The following TBL1XR1 variants were observed in gnomAD, a reference collection of about 807,000 sequenced individuals.
TBL1XR1 encodes TBL1X/Y related 1, also known as F-box-like/WD repeat-containing protein TBL1XR1.
Under a neutral mutation model 66.9 loss-of-function variants are expected in TBL1XR1, and 5 were observed. The ratio of observed to expected loss-of-function variants is 0.07; its 90% confidence interval spans 0.04 to 0.16. The LOEUF is 0.16. TBL1XR1 is among the 10% of genes least tolerant of loss of function. The probability of loss-of-function intolerance (pLI) is 1.00; values close to 1 mark genes in which losing one functional copy is unlikely to be tolerated. For synonymous variants in TBL1XR1, 210 were observed against 206.0 expected, an observed-to-expected ratio of 1.02 and a Z score of -0.17; for missense variants, 238 against 623.2, an observed-to-expected ratio of 0.38 and a Z score of 6.58.
chr3:177,066,653 GA>G (rs913945209), intron 2 of TBL1XR1, among the ~76,000 whole-genome samples: 22 of 152,198 alleles, frequency 1.4e-4, no homozygotes, highest in Non-Finnish European at 2.8e-4. Flanking sequence ...GCCAAATTAG[GA>G]AAATATTGCA....
At chr3:177,178,267 A>C (rs1734391675) in intron 1 of TBL1XR1, among the ~76,000 whole-genome samples, 1 of 152,218 alleles carries the variant, frequency 6.6e-6, no homozygotes, top group Non-Finnish European at 1.5e-5. Flanking sequence ...AGTGTGATCA[A>C]AAACCCTTAA....
rs1724665950 is a variant in TBL1XR1, at chr3:177,104,786, T to C, written c.-121-6245A>G. Among the ~76,000 whole-genome samples, 4 of 152,238 alleles carry C rather than the reference T, an allele frequency of 2.6e-5. No individual in the cohort carries two copies. In the South Asian group the frequency reaches 8.3e-4, roughly 31 times the overall value. ...AATTACTACCTTAGTTGAATTAGTT[T>C]CACTGGTAACATCACATGTCATTGA... On this transcript the variant is annotated intron_variant, in intron 1 of 15. Coordinates refer to ENST00000457928, the MANE Select transcript of TBL1XR1 (RefSeq NM_024665.7).
chr3:177,037,969 A>T, intron 12 of TBL1XR1, 129 bp downstream of exon 12: 1 of 689,220 alleles, frequency 1.5e-6, no homozygotes, highest in Non-Finnish European at 2.4e-6. Flanking sequence ...TTAGCCATTT[A>T]AAATGTTGGA....
intron 1 of TBL1XR1, among the ~76,000 whole-genome samples, chr3:177,156,490 C>T (rs868686891): frequency 5.7e-5 from 8 of 140,458 alleles, no homozygotes; most frequent in African/African-American, 2.0e-4. Flanking sequence ...GAGACTCCAT[C>T]TCAAAAAAAA....
chr3:177,110,000 C>T (rs1019585599), intron 1 of TBL1XR1, among the ~76,000 whole-genome samples: 1 of 152,126 alleles, frequency 6.6e-6, no homozygotes, highest in Non-Finnish European at 1.5e-5. Context: ...TCACAAAATA[C>T]GTCATTTATG....
intron 14 of TBL1XR1, among the ~76,000 whole-genome samples, chr3:177,029,521 T>G (rs922182817): frequency 3.3e-5 from 5 of 151,990 alleles, no homozygotes; most frequent in African/African-American, 1.2e-4. Flanking sequence ...CTTGGAAGGC[T>G]GAGGTGGGAG....
intron 1 of TBL1XR1, among the ~76,000 whole-genome samples, chr3:177,166,535 T>A (rs1043159917): frequency 1.3e-5 from 2 of 152,168 alleles, no homozygotes; most frequent in Non-Finnish European, 2.9e-5. Flanking sequence ...CTGATAATAG[T>A]GAGTTCTCTG....
intron 10 of TBL1XR1, among the ~76,000 whole-genome samples, chr3:177,042,890 G>T (rs1036457080): frequency 6.6e-6 from 1 of 151,962 alleles, no homozygotes; most frequent in African/African-American, 2.4e-5. Flanking sequence ...GAAGAAGGAT[G>T]CATTTATTAC....
chr3:177,091,366 T>C (rs537097323), intron 2 of TBL1XR1, among the ~76,000 whole-genome samples: 263 of 152,244 alleles, frequency 1.7e-3, no homozygotes, highest in Middle Eastern at 0.014. Flanking sequence ...TTTTGTTTAA[T>C]ACATTATTTT....
chr3:177,068,527 T>C (rs913444266), intron 2 of TBL1XR1, among the ~76,000 whole-genome samples: 7 of 152,328 alleles, frequency 4.6e-5, no homozygotes, highest in African/African-American at 1.4e-4. Context: ...ACAGGACTAG[T>C]GAGGCAATCC....
At chr3:177,193,804 G>A (rs34311793) in intron 1 of TBL1XR1, among the ~76,000 whole-genome samples, 72,056 of 149,844 alleles carry the variant, frequency 0.48, 18,475 homozygotes, top group Non-Finnish European at 0.57. Context: ...GGAAAATTCC[G>A]CAGATTCAGT....
rs894198328 is a variant in TBL1XR1, at chr3:177,020,608, A to G, written c.*4890T>C. The G allele has an allele frequency of 6.6e-6, 1 of 152,174 alleles. No homozygotes were observed. Among genetic ancestry groups the G allele is most frequent in the Non-Finnish European group, 1.5e-5 (1 of 68,016 alleles). 9.4% of individuals were successfully genotyped at this position (152,174 alleles called of 1,614,324 possible). A position where few individuals can be genotyped will look rare whatever the true frequency, so the allele number is the denominator to read the frequency against. On this transcript the variant is annotated 3_prime_UTR_variant, in exon 16 of 16. Coordinates refer to ENST00000457928, the MANE Select transcript of TBL1XR1 (RefSeq NM_024665.7). ...TAACTTGGAAAAAAAGGTTTATTCT[A>G]CAATAGAACACTGGAGAAGTAAAAG... is the stretch of plus-strand genomic sequence containing the variant.
At chr3:177,117,466 T>C (rs1726439775) in intron 1 of TBL1XR1, among the ~76,000 whole-genome samples, 1 of 152,196 alleles carries the variant, frequency 6.6e-6, no homozygotes, top group Non-Finnish European at 1.5e-5. Context: ...ATCTGCACAG[T>C]CTAAAATTTC....
chr3:177,141,693 G>T (rs184066624), intron 1 of TBL1XR1, among the ~76,000 whole-genome samples: 2 of 152,068 alleles, frequency 1.3e-5, no homozygotes, highest in African/African-American at 2.4e-5. Flanking sequence ...TGTATGTATC[G>T]CATATAAAAG....
At chr3:177,137,263 C>CGG (rs1000230081) in intron 1 of TBL1XR1, among the ~76,000 whole-genome samples, 1 of 152,166 alleles carries the variant, frequency 6.6e-6, no homozygotes, top group East Asian at 1.9e-4. Context: ...GAGGCCAAGA[C>CGG]GGGGGATTGC....
At chr3:177,155,790 C>G (rs938099123) in intron 1 of TBL1XR1, among the ~76,000 whole-genome samples, 11 of 152,010 alleles carry the variant, frequency 7.2e-5, no homozygotes, top group Admixed American at 7.2e-4. Context: ...AGGGCGGATC[C>G]CCTGAGGTCA....
intron 1 of TBL1XR1, among the ~76,000 whole-genome samples, chr3:177,189,367 A>G (rs571760630): frequency 2.6e-5 from 4 of 152,138 alleles, no homozygotes; most frequent in Non-Finnish European, 4.4e-5. Context: ...AAATACAAAA[A>G]TTAGCTGGGC....
chr3:177,148,105 T>A (rs2108842392), intron 1 of TBL1XR1, among the ~76,000 whole-genome samples: 1 of 152,248 alleles, frequency 6.6e-6, no homozygotes, highest in East Asian at 1.9e-4. Flanking sequence ...AATTTTTTTG[T>A]TCTGAATGAA....
chr3:177,143,322 C>G (rs1729847177), intron 1 of TBL1XR1, among the ~76,000 whole-genome samples: 1 of 150,842 alleles, frequency 6.6e-6, no homozygotes, highest in Admixed American at 6.6e-5. Flanking sequence ...AGTCAGTGTT[C>G]AAGGCAACTA....
Sources: gnomAD v4.1 joint callset for allele counts (sites outside exome capture counted in the v4.1 genomes callset) on GRCh38, gnomAD v4.1.1 for gene constraint, MANE v1.5 for transcripts, NCBI Gene and HGNC (gene_info 2026-07-23, HGNC 2026-07-21) for gene names.